Variants in SNX3 observed in about 807,000 individuals in gnomAD.
The protein encoded by SNX3 is sorting nexin 3.
In SNX3, 5 loss-of-function variants were observed where a neutral mutation model predicts 17.7. That is an observed-to-expected ratio of 0.28 (90% CI 0.15 to 0.59). The LOEUF is 0.59. Among genes scored for constraint, SNX3 ranks in the 20% least tolerant of loss-of-function variants. SNX3 has a pLI of 0.88. For missense variants in SNX3, 132 were observed against 206.8 expected, an observed-to-expected ratio of 0.64 and a Z score of 2.22; for synonymous variants, 91 against 76.5, an observed-to-expected ratio of 1.19 and a Z score of -0.99.
chr6:108,247,315 AG>A (rs764073664), intron 1 of SNX3, among the ~76,000 whole-genome samples: 1 of 152,090 alleles, frequency 6.6e-6, no homozygotes, highest in Non-Finnish European at 1.5e-5. Context: ...GTAAGACAGG[AG>A]GAAACAGGAA....
intron 1 of SNX3, among the ~76,000 whole-genome samples, chr6:108,227,529 G>A (rs1446208452): frequency 6.6e-6 from 1 of 152,128 alleles, no homozygotes; most frequent in Admixed American, 6.6e-5. Context: ...GGGTGAGGGG[G>A]AAAAGTACTT....
At chr6:108,228,351 C>A (rs1775035021) in intron 1 of SNX3, among the ~76,000 whole-genome samples, 1 of 152,204 alleles carries the variant, frequency 6.6e-6, no homozygotes, top group Middle Eastern at 3.4e-3. Context: ...GAGTTCGCGA[C>A]CAGCCTGGAC....
intron 1 of SNX3, among the ~76,000 whole-genome samples, chr6:108,224,645 TA>T (rs1487791553): frequency 6.6e-6 from 1 of 152,162 alleles, no homozygotes; most frequent in East Asian, 1.9e-4. Context: ...TCTTGCATAA[TA>T]AAAGACCTAA....
At chr6:108,259,321 C>T (rs1776120102) in intron 1 of SNX3, among the ~76,000 whole-genome samples, 1 of 152,194 alleles carries the variant, frequency 6.6e-6, no homozygotes. Flanking sequence ...GCAACCTCTG[C>T]CTCCCCAGTT....
chr6:108,251,912 A>C (rs1475671053), intron 1 of SNX3, among the ~76,000 whole-genome samples: 1 of 151,954 alleles, frequency 6.6e-6, no homozygotes, highest in East Asian at 1.9e-4. Flanking sequence ...AAATACAAAA[A>C]TTAGCCAGGC....
chr6:108,231,235 G>A (rs909042391), intron 1 of SNX3, among the ~76,000 whole-genome samples: 9 of 151,902 alleles, frequency 5.9e-5, no homozygotes, highest in Non-Finnish European at 8.8e-5. Flanking sequence ...ACAGGCACGC[G>A]CCACCACGCC....
At chr6:108,219,216 T>G (rs1055568957) in intron 2 of SNX3, among the ~76,000 whole-genome samples, 3 of 151,300 alleles carry the variant, frequency 2.0e-5, no homozygotes, top group Non-Finnish European at 4.4e-5. Flanking sequence ...ATAAATAAAT[T>G]TACAAAAAAA....
rs180861985 is a variant in SNX3, at chr6:108,211,645, G to T, written c.*504C>A. The stretch of plus-strand genomic sequence containing the variant: ...TTCCCTCATTAATCTTCCATGTGAA[G>T]GGTATTACAAGCCTGGAGGAAGATA... On this transcript the variant is annotated 3_prime_UTR_variant, in exon 4 of 4. Coordinates refer to ENST00000230085, the MANE Select transcript of SNX3 (RefSeq NM_003795.6). 4.1e-4 allele frequency: 62 copies of T among 152,678 alleles called. No individual in the cohort carries two copies. Among genetic ancestry groups the T allele is most frequent in the East Asian group, 2.1e-3 (11 of 5,170 alleles). 9.5% of individuals were successfully genotyped at this position (152,678 alleles called of 1,614,324 possible).
chr6:108,242,568 A>G (rs1775551859), intron 1 of SNX3, among the ~76,000 whole-genome samples: 1 of 152,224 alleles, frequency 6.6e-6, no homozygotes, highest in Non-Finnish European at 1.5e-5. Context: ...CCAGCGTGGT[A>G]GGCTGAATTC....
At chr6:108,242,897 A>G (rs1038150024) in intron 1 of SNX3, among the ~76,000 whole-genome samples, 2 of 152,150 alleles carry the variant, frequency 1.3e-5, no homozygotes, top group African/African-American at 4.8e-5. Context: ...TACTGCCCAC[A>G]ACTATGTAAG....
At chr6:108,241,893 C>G (rs1235096687) in intron 1 of SNX3, among the ~76,000 whole-genome samples, 1 of 152,108 alleles carries the variant, frequency 6.6e-6, no homozygotes, top group Non-Finnish European at 1.5e-5. Flanking sequence ...CCAGGATTTC[C>G]AAGCAGCTAT....
intron 1 of SNX3, among the ~76,000 whole-genome samples, chr6:108,243,671 C>T (rs1775593063): frequency 6.6e-6 from 1 of 152,192 alleles, no homozygotes; most frequent in Admixed American, 6.6e-5. Context: ...TGGCTGACAC[C>T]TGTAATCCCA....
chr6:108,249,671 T>C (rs1007497348), intron 1 of SNX3, among the ~76,000 whole-genome samples: 2 of 152,224 alleles, frequency 1.3e-5, no homozygotes, highest in Middle Eastern at 3.4e-3. Flanking sequence ...CTTCAAAAGT[T>C]GAAAAACCTT....
At chr6:108,221,294 C>G (rs1211786201) in intron 2 of SNX3, among the ~76,000 whole-genome samples, 4 of 150,928 alleles carry the variant, frequency 2.7e-5, no homozygotes, top group East Asian at 2.0e-4. Flanking sequence ...AGCTTCTCAT[C>G]ATCTGACATC....
At chr6:108,243,697 G>A (rs575354188) in intron 1 of SNX3, among the ~76,000 whole-genome samples, 16 of 152,298 alleles carry the variant, frequency 1.1e-4, no homozygotes, top group South Asian at 6.2e-4. Flanking sequence ...TTAGGAAGCC[G>A]AGGGCGGGGT....
rs1774421166 is a variant in SNX3, at chr6:108,212,037, T to C, written c.*112A>G. 1.6e-6 allele frequency: 1 copy of C among 613,606 alleles called. No individual in the cohort carries two copies. Among genetic ancestry groups the C allele is most frequent in the South Asian group, 2.0e-5 (1 of 49,368 alleles). 38.0% of individuals were successfully genotyped at this position (613,606 alleles called of 1,614,324 possible). On this transcript the variant is annotated 3_prime_UTR_variant, in exon 4 of 4. Coordinates refer to ENST00000230085, the MANE Select transcript of SNX3 (RefSeq NM_003795.6). ...ACAAAACTGAGCATATGAGTGTTAG[T>C]ATACTGAAGGCATGTTATACCAGTT...
chr6:108,216,150 C>T (rs759772133), intron 2 of SNX3, among the ~76,000 whole-genome samples: 2 of 152,044 alleles, frequency 1.3e-5, no homozygotes, highest in East Asian at 1.9e-4. Context: ...GATCATGGCT[C>T]GCTGCAGCCT....
At chr6:108,253,347 G>A (rs1420650981) in intron 1 of SNX3, among the ~76,000 whole-genome samples, 1 of 151,602 alleles carries the variant, frequency 6.6e-6, no homozygotes, top group African/African-American at 2.4e-5. Context: ...ACAACACAGC[G>A]AGAACCTGTC....
chr6:108,252,029 C>T (rs961669111), intron 1 of SNX3, among the ~76,000 whole-genome samples: 2 of 150,070 alleles, frequency 1.3e-5, no homozygotes, highest in Non-Finnish European at 1.5e-5. Flanking sequence ...TGCACTATTG[C>T]ACTCCAGCCT....
Sources: allele counts gnomAD v4.1 joint callset (sites outside exome capture counted in the v4.1 genomes callset), GRCh38; gene constraint gnomAD v4.1.1; transcripts MANE v1.5; gene names NCBI Gene and HGNC (gene_info 2026-07-23, HGNC 2026-07-21).